PKNOX2: variants seen among roughly 807,000 people sequenced by gnomAD.
PKNOX2 encodes PBX/knotted 1 homeobox 2.
A neutral mutation model predicts 53.1 loss-of-function variants in PKNOX2; 14 were observed. That is an observed-to-expected ratio of 0.26 (90% CI 0.17 to 0.41). The LOEUF (loss-of-function observed/expected upper bound fraction) is 0.41, where lower values mean the gene tolerates loss of function less well. Ranked by LOEUF, PKNOX2 falls within the 10% of genes least tolerant of loss-of-function variation. The pLI is 1.00. For synonymous variants in PKNOX2, 257 were observed against 242.8 expected (o/e 1.06, Z -0.54); for missense variants, 496 against 602.8 (o/e 0.82, Z 1.85).
Position 125,237,670 on chromosome 11 carries a change from G to A in PKNOX2, c.-130+2555G>A, listed in dbSNP as rs566624528. Reference sequence around the variant, plus strand: ...GAATGTTTGAGTCGAAAGGGCCCTCGGAGGCCAGGCAAGGATTCCTTCCTG... The same window carrying A: ...GAATGTTTGAGTCGAAAGGGCCCTCAGAGGCCAGGCAAGGATTCCTTCCTG... On this transcript the variant is annotated intron_variant, in intron 2 of 12. Transcript: ENST00000298282. 3.0e-4 allele frequency among the ~76,000 whole-genome samples: 45 copies of A among 152,296 alleles called. 1 individual carries two copies. The highest frequency in any genetic ancestry group is 8.9e-4 in the African/African-American group (37 of 41,566).
At chr11:125,252,357 G>A (rs1944068290) in intron 2 of PKNOX2, among the ~76,000 whole-genome samples, 1 of 152,198 alleles carries the variant, frequency 6.6e-6, no homozygotes. Context: ...TTAAGCAGGA[G>A]ATTGATTTGG....
intron 2 of PKNOX2, among the ~76,000 whole-genome samples, chr11:125,323,434 T>C (rs147596494): frequency 6.6e-6 from 1 of 152,312 alleles, no homozygotes; most frequent in East Asian, 1.9e-4. Flanking sequence ...TTTGCTGTCC[T>C]CCAGGAGCTG....
intron 10 of PKNOX2, among the ~76,000 whole-genome samples, chr11:125,414,179 G>A (rs905947850): frequency 6.6e-6 from 1 of 152,184 alleles, no homozygotes; most frequent in Non-Finnish European, 1.5e-5. Flanking sequence ...AGAGGAAGGG[G>A]AGGTGGAGAA....
chr11:125,267,245 C>A (rs536903491), intron 2 of PKNOX2, among the ~76,000 whole-genome samples: 1 of 152,302 alleles, frequency 6.6e-6, no homozygotes, highest in East Asian at 1.9e-4. Context: ...AAACTCCTCC[C>A]CTTGTGCTCA....
chr11:125,416,463 C>T (rs527316290), intron 10 of PKNOX2, among the ~76,000 whole-genome samples: 10 of 151,864 alleles, frequency 6.6e-5, no homozygotes, highest in Non-Finnish European at 1.3e-4. Context: ...CAAATTTGGG[C>T]CTCAAGACTT....
intron 11 of PKNOX2, 56 bp downstream of exon 11, chr11:125,429,144 A>G: frequency 1.3e-6 from 2 of 1,491,176 alleles, no homozygotes; most frequent in Non-Finnish European, 1.9e-6. Flanking sequence ...CCTTCTGGGC[A>G]GGGGAATGCG....
intron 4 of PKNOX2, among the ~76,000 whole-genome samples, chr11:125,366,294 T>A (rs916571749): frequency 1.3e-5 from 2 of 152,186 alleles, no homozygotes; most frequent in Non-Finnish European, 2.9e-5. Flanking sequence ...CCCACTGAGA[T>A]TGGAAAGGCT....
chr11:125,429,103 C>G lies in PKNOX2; in HGVS notation c.1013+15C>G. 1 of 1,600,324 alleles carries G rather than the reference C, an allele frequency of 6.2e-7. No homozygotes were observed. The highest frequency in any genetic ancestry group is 1.1e-5 in the South Asian group (1 of 90,804). ...GTAAACAACTGGTGAGTTTGCATCA[C>G]CTGCATGCAGGCTCCCAGATCCAGG... On this transcript the variant is annotated intron_variant, in intron 11 of 12. Coordinates refer to ENST00000298282, the MANE Select transcript of PKNOX2 (RefSeq NM_001382323.2).
At chr11:125,381,822 T>C (rs2135349029) in intron 5 of PKNOX2, among the ~76,000 whole-genome samples, 1 of 152,336 alleles carries the variant, frequency 6.6e-6, no homozygotes, top group East Asian at 1.9e-4. Context: ...AATGCTTTGC[T>C]TTTTCTCCTG....
chr11:125,254,201 A>G (rs534903166), intron 2 of PKNOX2, among the ~76,000 whole-genome samples: 2 of 152,366 alleles, frequency 1.3e-5, no homozygotes, highest in East Asian at 1.9e-4. Flanking sequence ...GCTTTTTACA[A>G]AGAAAAAAAT....
intron 1 of PKNOX2, among the ~76,000 whole-genome samples, chr11:125,201,385 GAAA>G (rs3083786): frequency 2.0e-5 from 3 of 150,576 alleles, no homozygotes; most frequent in South Asian, 2.1e-4. Context: ...TTCCTTGGTA[GAAA>G]AAAAAAAAGC....
At chr11:125,394,519 C>T (rs1015410063) in intron 6 of PKNOX2, among the ~76,000 whole-genome samples, 10 of 152,192 alleles carry the variant, frequency 6.6e-5, no homozygotes, top group Non-Finnish European at 4.4e-5. Flanking sequence ...AGCCACAAGC[C>T]CAGCCCAGGG....
intron 1 of PKNOX2, among the ~76,000 whole-genome samples, chr11:125,190,754 TC>T (rs1288717839): frequency 4.6e-5 from 7 of 152,192 alleles, no homozygotes; most frequent in African/African-American, 1.7e-4. Flanking sequence ...CCTGCATCCT[TC>T]AAGCCCAGCA....
At chr11:125,393,906 T>C (rs558084156) in intron 6 of PKNOX2, among the ~76,000 whole-genome samples, 1 of 129,110 alleles carries the variant, frequency 7.7e-6, no homozygotes, top group East Asian at 2.8e-4. Context: ...GAGTCCATAT[T>C]GAAAGACAAG....
chr11:125,370,890 C>T lies in PKNOX2; in HGVS notation c.227+2905C>T, dbSNP rs1042552780. Among the ~76,000 whole-genome samples the T allele has an allele frequency of 2.6e-5, 4 of 152,212 alleles. No homozygotes were observed. The highest frequency in any genetic ancestry group is 9.7e-5 in the African/African-American group (4 of 41,442). The stretch of plus-strand genomic sequence containing the variant: ...CCTTTCCATTCAGATGAGTGCCCCA[C>T]ACTGGCTTTTGGGAGCCCCCATCAT... On this transcript the variant is annotated intron_variant, in intron 5 of 12. Transcript: ENST00000298282. The surrounding 1 kb of genome is among the most constrained non-coding windows in gnomAD (Gnocchi z 4.1).
chr11:125,369,920 A>G (rs918027998), intron 5 of PKNOX2, among the ~76,000 whole-genome samples: 3 of 152,112 alleles, frequency 2.0e-5, no homozygotes, highest in Non-Finnish European at 2.9e-5. Flanking sequence ...GCAGCATCGT[A>G]TCACCTGGGA....
intron 1 of PKNOX2, among the ~76,000 whole-genome samples, chr11:125,186,127 T>A (rs1402490118): frequency 2.6e-5 from 4 of 152,198 alleles, no homozygotes; most frequent in Non-Finnish European, 4.4e-5. Context: ...ATGGTTTGAT[T>A]TTCATTTTCC....
At chr11:125,255,723 G>T (rs1348984041) in intron 2 of PKNOX2, among the ~76,000 whole-genome samples, 1 of 151,750 alleles carries the variant, frequency 6.6e-6, no homozygotes, top group East Asian at 1.9e-4. Context: ...GAGGTGGGGG[G>T]CAAGGTGGGG....
At chr11:125,248,091 C>T (rs1463769563) in intron 2 of PKNOX2, among the ~76,000 whole-genome samples, 2 of 152,200 alleles carry the variant, frequency 1.3e-5, no homozygotes, top group Admixed American at 1.3e-4. Flanking sequence ...CTGTAGCCCT[C>T]GCTCTGCCTG....
Sources: allele counts gnomAD v4.1 joint callset (sites outside exome capture counted in the v4.1 genomes callset), GRCh38; gene constraint gnomAD v4.1.1; non-coding constraint Gnocchi (gnomAD v3.1); transcripts MANE v1.5; gene names NCBI Gene and HGNC (gene_info 2026-07-23, HGNC 2026-07-21).